SLC35F3: variants seen among roughly 807,000 people sequenced by gnomAD.
The protein encoded by SLC35F3 is solute carrier family 35 member F3.
Under a neutral mutation model 49.9 loss-of-function variants are expected in SLC35F3, and 25 were observed. The ratio of observed to expected loss-of-function variants is 0.50; its 90% CI spans 0.37 to 0.70. SLC35F3 has a LOEUF of 0.70. SLC35F3 is among the 30% of genes least tolerant of loss of function. SLC35F3 has a pLI of 0.00. For missense variants in SLC35F3, 525 were observed against 639.8 expected (o/e 0.82, Z 1.94); for synonymous variants, 275 against 265.4 (o/e 1.04, Z -0.35).
intron 3 of SLC35F3, among the ~76,000 whole-genome samples, chr1:234,263,634 G>A (rs1292720700): frequency 6.6e-6 from 1 of 152,170 alleles, no homozygotes; most frequent in Non-Finnish European, 1.5e-5. Flanking sequence ...TGGGGATGAG[G>A]CCCAATCCTC....
chr1:234,138,623 C>T (rs540483042), intron 2 of SLC35F3, among the ~76,000 whole-genome samples: 27 of 152,268 alleles, frequency 1.8e-4, no homozygotes, highest in South Asian at 1.7e-3. Context: ...TCATAGCTCA[C>T]GGCAGCCTTG....
In SLC35F3 at chr1:234,323,362, G is replaced by GT; in HGVS notation, c.*120dup. On this transcript the variant is annotated 3_prime_UTR_variant, in exon 8 of 8. Coordinates refer to ENST00000366618, the MANE Select transcript of SLC35F3 (RefSeq NM_173508.4). The surrounding 1 kb of genome is among the most constrained non-coding windows in gnomAD (Gnocchi z 4.5). ...TTGGTCATCTGCGGTAAGTTCTATGGTATTTATTGGCATGTCCAATTTGCT... is the reference window on the plus strand; with the variant it reads ...TTGGTCATCTGCGGTAAGTTCTATGGTTATTTATTGGCATGTCCAATTTGCT... 1 of 792,618 alleles carries GT rather than the reference G, an allele frequency of 1.3e-6. No homozygotes were observed. Among genetic ancestry groups the GT allele is most frequent in the Admixed American group, 2.7e-5 (1 of 37,126 alleles). The allele number at this position is 792,618 out of a possible 1,614,324, so 49.1% of individuals were successfully genotyped here.
intron 2 of SLC35F3, among the ~76,000 whole-genome samples, chr1:234,015,373 A>G (rs1440943030): frequency 6.6e-6 from 1 of 151,806 alleles, no homozygotes. Context: ...ATGCAAGAAC[A>G]AAACTGGAAG....
chr1:234,069,241 TATAA>T (rs1664677749), intron 2 of SLC35F3, among the ~76,000 whole-genome samples: 1 of 132,890 alleles, frequency 7.5e-6, no homozygotes, highest in Non-Finnish European at 1.6e-5. Flanking sequence ...TATAAAAATA[TATAA>T]TATATATATA....
At chr1:234,034,523 A>G (rs1432507660) in intron 2 of SLC35F3, among the ~76,000 whole-genome samples, 1 of 151,890 alleles carries the variant, frequency 6.6e-6, no homozygotes, top group Non-Finnish European at 1.5e-5. Context: ...TCATTCATTC[A>G]TTCATTTATT....
chr1:234,007,680 G>C (rs1663650812), intron 2 of SLC35F3, among the ~76,000 whole-genome samples: 4 of 152,194 alleles, frequency 2.6e-5, no homozygotes, highest in African/African-American at 9.7e-5. Context: ...GAACCCACAG[G>C]ATTGTAACCT....
At chr1:233,921,780 C>A (rs1302229335) in intron 2 of SLC35F3, among the ~76,000 whole-genome samples, 1 of 151,616 alleles carries the variant, frequency 6.6e-6, no homozygotes, top group Non-Finnish European at 1.5e-5. Context: ...TTAGGTATTT[C>A]TCCTAATGCT....
chr1:234,065,941 G>C (rs556223235), intron 2 of SLC35F3, among the ~76,000 whole-genome samples: 3 of 152,168 alleles, frequency 2.0e-5, no homozygotes, highest in Non-Finnish European at 4.4e-5. Context: ...TGACGTTGTC[G>C]TGAGGTCAGT....
intron 2 of SLC35F3, among the ~76,000 whole-genome samples, chr1:233,952,353 C>T (rs1056183019): frequency 6.6e-6 from 1 of 152,136 alleles, no homozygotes; most frequent in African/African-American, 2.4e-5. Flanking sequence ...TGACTTTCTC[C>T]TAGAACAATT....
chr1:234,257,745 T>C (rs1290300121), intron 3 of SLC35F3, among the ~76,000 whole-genome samples: 1 of 152,176 alleles, frequency 6.6e-6, no homozygotes, highest in African/African-American at 2.4e-5. Flanking sequence ...AATGGTTACA[T>C]AAAATCAAGC....
intron 2 of SLC35F3, among the ~76,000 whole-genome samples, chr1:233,993,177 G>A (rs988192401): frequency 6.6e-6 from 1 of 152,116 alleles, no homozygotes; most frequent in Non-Finnish European, 1.5e-5. Flanking sequence ...ATGTTAGCCA[G>A]GCTGGTCTCG....
At chr1:233,978,620 A>T (rs749539349) in intron 2 of SLC35F3, among the ~76,000 whole-genome samples, 1 of 152,252 alleles carries the variant, frequency 6.6e-6, no homozygotes, top group Non-Finnish European at 1.5e-5. Flanking sequence ...GTGTGGGTTT[A>T]TGAATAATTT....
intron 2 of SLC35F3, among the ~76,000 whole-genome samples, chr1:234,078,585 T>C (rs533692987): frequency 6.6e-6 from 1 of 152,336 alleles, no homozygotes; most frequent in African/African-American, 2.4e-5. Flanking sequence ...CTTTGACCTC[T>C]CTAAAAGCTA....
intron 2 of SLC35F3, among the ~76,000 whole-genome samples, chr1:234,176,476 C>T (rs1405406610): frequency 2.0e-5 from 3 of 152,188 alleles, no homozygotes; most frequent in Non-Finnish European, 4.4e-5. Flanking sequence ...GACCCCAGAG[C>T]CCCCTCACCC....
intron 4 of SLC35F3, among the ~76,000 whole-genome samples, chr1:234,315,279 C>A (rs1011682815): frequency 6.6e-6 from 1 of 152,192 alleles, no homozygotes; most frequent in African/African-American, 2.4e-5. Flanking sequence ...AAGAGAAGTA[C>A]GTAACTCAGA....
rs141792451 is a variant in SLC35F3, at chr1:234,116,598, G to A, written c.284-114819G>A. On this transcript the variant is annotated intron_variant, in intron 2 of 7. Transcript: ENST00000366618. ...GCAATCTCAGCTCACTGCAACCTCCGTCTCCCAGGTTCAAGCAATTCTCCT... is the reference window on the plus strand; with the variant it reads ...GCAATCTCAGCTCACTGCAACCTCCATCTCCCAGGTTCAAGCAATTCTCCT... Among the ~76,000 whole-genome samples the A allele has an allele frequency of 5.5e-3, 837 of 151,446 alleles. 9 individuals carry two copies. Among genetic ancestry groups the A allele is most frequent in the African/African-American group, 0.019 (786 of 41,286 alleles).
At position 234,164,096 on chromosome 1, in the gene SLC35F3, C is replaced by CTCTCTT. The variant is rs1422156618; in HGVS notation, c.284-67315_284-67310dup. 3.3e-5 allele frequency among the ~76,000 whole-genome samples: 5 copies of CTCTCTT among 151,342 alleles called. No individual in the cohort carries two copies. In the East Asian group the frequency reaches 7.8e-4, roughly 23 times the overall value. On this transcript the variant is annotated intron_variant, in intron 2 of 7. Transcript: ENST00000366618. The stretch of plus-strand genomic sequence containing the variant: ...GAAATAGCTCTGTCTCTCTCCCTCT[C>CTCTCTT]TCTCTTTCTCTCTCTCTCCTCTACC...
At chr1:234,092,166 A>G (rs774687895) in intron 2 of SLC35F3, among the ~76,000 whole-genome samples, 9 of 152,228 alleles carry the variant, frequency 5.9e-5, no homozygotes, top group Non-Finnish European at 1.0e-4. Flanking sequence ...TGGAGGTTTA[A>G]GTTCCAAAAA....
At chr1:233,911,207 C>T (rs1661868606) in intron 2 of SLC35F3, among the ~76,000 whole-genome samples, 2 of 152,224 alleles carry the variant, frequency 1.3e-5, no homozygotes, top group South Asian at 2.1e-4. Context: ...GCGTAGATAC[C>T]GGTGCTAAAT....
Sources: gnomAD v4.1 joint callset for allele counts (sites outside exome capture counted in the v4.1 genomes callset) on GRCh38, gnomAD v4.1.1 for gene constraint, Gnocchi (gnomAD v3.1) non-coding constraint, MANE v1.5 for transcripts, NCBI Gene and HGNC (gene_info 2026-07-23, HGNC 2026-07-21) for gene names.